The following SPATA13 variants were observed in gnomAD, a reference collection of about 807,000 sequenced individuals.
SPATA13 encodes spermatogenesis associated 13.
Under a neutral mutation model 104.0 loss-of-function variants are expected in SPATA13, and 50 were observed. That is an observed-to-expected ratio of 0.48 (90% confidence interval 0.38 to 0.61). The LOEUF (loss-of-function observed/expected upper bound fraction) is 0.61, where lower values mean the gene tolerates loss of function less well. Ranked by LOEUF, SPATA13 falls within the 20% of genes least tolerant of loss-of-function variation. SPATA13 has a pLI of 0.00. For synonymous variants in SPATA13, 606 were observed against 667.5 expected, an observed-to-expected ratio of 0.91 and a Z score of 1.42; for missense variants, 1,524 against 1,690.6, an observed-to-expected ratio of 0.90 and a Z score of 1.73.
intron 2 of SPATA13, 87 bp from the exon 3 acceptor site, chr13:24,249,390 T>G: frequency 7.0e-7 from 1 of 1,422,036 alleles, no homozygotes; most frequent in South Asian, 1.5e-5. Flanking sequence ...GAGGCACGGC[T>G]GTGGTGGTGA....
At chr13:24,107,466 A>G (rs1880491249) in intron 3 of SPATA13, among the ~76,000 whole-genome samples, 2 of 152,136 alleles carry the variant, frequency 1.3e-5, no homozygotes. Flanking sequence ...ATAAAAGCAA[A>G]TGTACTTGCT....
intron 1 of SPATA13, among the ~76,000 whole-genome samples, chr13:24,185,724 G>GTTTT (rs34688488): frequency 2.7e-5 from 4 of 148,482 alleles, no homozygotes; most frequent in Non-Finnish European, 1.5e-5. Flanking sequence ...AATAGATGCA[G>GTTTT]TTTTTTTTTT....
intron 9 of SPATA13, among the ~76,000 whole-genome samples, chr13:24,291,745 T>A (rs867706552): frequency 6.2e-4 from 33 of 53,258 alleles, no homozygotes; most frequent in African/African-American, 2.3e-3. Context: ...TCTTTATTTT[T>A]TTATTTTTTT....
upstream of SPATA13, among the ~76,000 whole-genome samples, chr13:24,159,755 A>C (rs1370766980): frequency 6.6e-6 from 1 of 152,198 alleles, no homozygotes; most frequent in Non-Finnish European, 1.5e-5. Context: ...TCATTGGGTA[A>C]TATAATTTTT....
chr13:24,160,611 T>A (rs1282795718), upstream of SPATA13: 10 of 541,616 alleles, frequency 1.8e-5, no homozygotes, highest in Non-Finnish European at 2.2e-5. Context: ...GCCGAGGGTG[T>A]GGCCTGAGGG....
At chr13:24,073,883 C>T (rs758611162) in intron 3 of SPATA13, among the ~76,000 whole-genome samples, 8 of 152,192 alleles carry the variant, frequency 5.3e-5, no homozygotes, top group East Asian at 1.9e-4. Context: ...GTGCCAGTTA[C>T]GTAGACCAAG....
intron 2 of SPATA13, among the ~76,000 whole-genome samples, chr13:24,229,437 G>T (rs539052139): frequency 2.0e-5 from 3 of 152,108 alleles, no homozygotes; most frequent in African/African-American, 7.2e-5. Context: ...CTCAAGGGTA[G>T]GATATGGAGT....
intron 3 of SPATA13, among the ~76,000 whole-genome samples, chr13:24,048,681 TA>T (rs5802262): frequency 6.6e-6 from 1 of 151,482 alleles, no homozygotes; most frequent in African/African-American, 2.4e-5. Context: ...TGATCAAAAT[TA>T]AAAAAAAGAT....
intron 3 of SPATA13, among the ~76,000 whole-genome samples, chr13:24,076,573 G>A (rs970600250): frequency 3.0e-4 from 46 of 151,606 alleles, no homozygotes; most frequent in Admixed American, 1.9e-3. Flanking sequence ...AGCAGACCCC[G>A]GGACAGGAAA....
At position 24,088,443 on chromosome 13, in the gene SPATA13, A is replaced by G. The variant is rs774736301; in HGVS notation, c.-112+70742A>G. ...CTTCCTCTTGAGATGAAGACACATG[A>G]GAACCCAAGCCCATCACCCTGGACA... On this transcript the variant is annotated intron_variant, in intron 3 of 14. Coordinates refer to the SPATA13 transcript ENST00000424834. The surrounding 1 kb of genome is among the most constrained non-coding windows in gnomAD (Gnocchi z 4.3). 8.5e-4 allele frequency among the ~76,000 whole-genome samples: 129 copies of G among 152,266 alleles called. No homozygotes were observed. The highest frequency in any genetic ancestry group is 9.4e-4 in the Non-Finnish European group (64 of 68,026).
chr13:24,062,484 C>G (rs1039534781), intron 3 of SPATA13, among the ~76,000 whole-genome samples: 2 of 152,192 alleles, frequency 1.3e-5, no homozygotes, highest in Non-Finnish European at 2.9e-5. Flanking sequence ...TCCCACCAGC[C>G]CTGCCGCTCC....
chr13:24,036,974 C>T (rs1175451437), intron 3 of SPATA13, among the ~76,000 whole-genome samples: 3 of 151,772 alleles, frequency 2.0e-5, no homozygotes, highest in African/African-American at 7.3e-5. Flanking sequence ...CGGGGTTTGA[C>T]CATGTTGGCC....
intron 3 of SPATA13, among the ~76,000 whole-genome samples, chr13:24,138,039 G>A (rs1262640857): frequency 6.6e-6 from 1 of 151,852 alleles, no homozygotes; most frequent in Admixed American, 6.6e-5. Context: ...AGTGGCTCGC[G>A]CATGTAATCC....
At chr13:23,982,131 A>G (rs1012727548) in intron 1 of SPATA13, among the ~76,000 whole-genome samples, 1 of 152,250 alleles carries the variant, frequency 6.6e-6, no homozygotes, top group African/African-American at 2.4e-5. Context: ...AAAGCAAAAT[A>G]CACTAGTTAT....
chr13:24,145,547 A>G (rs1277375477), intron 3 of SPATA13, among the ~76,000 whole-genome samples: 2 of 152,222 alleles, frequency 1.3e-5, no homozygotes, highest in Non-Finnish European at 2.9e-5. Flanking sequence ...CTCAGTAAGA[A>G]GAGTCAGAGG....
At chr13:24,272,591 A>C (rs1874693749) in intron 4 of SPATA13, 1 of 152,260 alleles carries the variant, frequency 6.6e-6, no homozygotes, top group Admixed American at 6.5e-5. Context: ...AGTGGCTCCC[A>C]GGAGGACGCC....
In SPATA13 at chr13:24,103,841, A is replaced by C. The variant is rs544780796; in HGVS notation, c.-112+86140A>C. Among the ~76,000 whole-genome samples, 39 of 152,160 alleles carry C rather than the reference A, an allele frequency of 2.6e-4. 1 individual carries two copies. Among genetic ancestry groups the C allele is most frequent in the African/African-American group, 8.9e-4 (37 of 41,514 alleles). ...TCCAGAGAATTTTCATCCCTTTCAG[A>C]GTTACAGGGTGGTGTCCAGAGCTGC... On this transcript the variant is annotated intron_variant, in intron 3 of 14. Transcript: ENST00000424834.
chr13:24,004,708 AT>A (rs1316907323), intron 2 of SPATA13, among the ~76,000 whole-genome samples: 1 of 152,076 alleles, frequency 6.6e-6, no homozygotes, highest in Non-Finnish European at 1.5e-5. Context: ...GAAAATTTAC[AT>A]TCCATACGAT....
chr13:24,072,378 T>C (rs1484192276), intron 3 of SPATA13, among the ~76,000 whole-genome samples: 3 of 152,202 alleles, frequency 2.0e-5, no homozygotes, highest in African/African-American at 7.2e-5. Context: ...ATCAAGCATT[T>C]GTATGAACTG....
Sources: gnomAD v4.1 joint callset for allele counts (sites outside exome capture counted in the v4.1 genomes callset) on GRCh38, gnomAD v4.1.1 for gene constraint, Gnocchi (gnomAD v3.1) non-coding constraint, MANE v1.5 for transcripts, NCBI Gene and HGNC (gene_info 2026-07-23, HGNC 2026-07-21) for gene names.